Variants in ACACA observed in about 807,000 individuals in gnomAD.
ACACA encodes acetyl-CoA carboxylase 1.
A neutral mutation model predicts 296.1 loss-of-function variants in ACACA; 103 were observed. That is an observed-to-expected ratio of 0.35 (90% confidence interval 0.30 to 0.41). The LOEUF is 0.41. Among genes scored for constraint, ACACA ranks in the 10% least tolerant of loss-of-function variants. The pLI is 1.00. For synonymous variants in ACACA, 953 were observed against 1,038.6 expected (o/e 0.92, Z 1.58); for missense variants, 1,554 against 2,989.7 (o/e 0.52, Z 11.20).
intron 1 of ACACA, among the ~76,000 whole-genome samples, chr17:37,375,166 C>T (rs1196850625): frequency 1.3e-5 from 2 of 151,392 alleles, no homozygotes; most frequent in East Asian, 2.0e-4. Context: ...TGCACTCCAG[C>T]CTGGGCAACA....
chr17:37,256,832 A>T (rs2081249478), intron 14 of ACACA, among the ~76,000 whole-genome samples: 1 of 152,220 alleles, frequency 6.6e-6, no homozygotes, highest in African/African-American at 2.4e-5. Context: ...ACTAATAAAC[A>T]AATGCTATTT....
intron 1 of ACACA, among the ~76,000 whole-genome samples, chr17:37,363,033 CTT>C (rs546785530): frequency 6.4e-5 from 9 of 139,974 alleles, no homozygotes; most frequent in Admixed American, 1.4e-4. Flanking sequence ...ATTCCCAGCC[CTT>C]TTTTTTTTTT....
At chr17:37,160,220 A>G (rs2076406246) in intron 42 of ACACA, among the ~76,000 whole-genome samples, 1 of 152,210 alleles carries the variant, frequency 6.6e-6, no homozygotes, top group Non-Finnish European at 1.5e-5. Flanking sequence ...GTACAGAGGG[A>G]AAAAGTGCTG....
intron 1 of ACACA, among the ~76,000 whole-genome samples, chr17:37,381,443 C>G (rs2050253983): frequency 6.6e-6 from 1 of 151,894 alleles, no homozygotes; most frequent in Non-Finnish European, 1.5e-5. Context: ...ACCTCAGCCT[C>G]CCAAAGTGCT....
chr17:37,257,987 TAA>T, intron 13 of ACACA, 121 bp from the exon 14 acceptor site: 2 of 1,363,172 alleles, frequency 1.5e-6, no homozygotes, highest in Non-Finnish European at 1.0e-6. Flanking sequence ...ACAAAAATGA[TAA>T]AGGCCAAGAC....
chr17:37,225,142 G>A (rs747014539), intron 26 of ACACA, 37 bp from the exon 27 acceptor site: 32 of 1,257,346 alleles, frequency 2.5e-5, no homozygotes, highest in Middle Eastern at 1.8e-4. Flanking sequence ...CACATTCCTC[G>A]GAGTGATTAT....
chr17:37,314,035 T>G (rs1334733162), intron 3 of ACACA, among the ~76,000 whole-genome samples: 1 of 151,128 alleles, frequency 6.6e-6, no homozygotes, highest in African/African-American at 2.4e-5. Flanking sequence ...CACAATGGAG[T>G]ACTATTGAGC....
intron 42 of ACACA, among the ~76,000 whole-genome samples, chr17:37,161,185 A>T (rs2076445377): frequency 1.3e-5 from 2 of 152,258 alleles, no homozygotes; most frequent in South Asian, 4.1e-4. Context: ...CACAAGGAGC[A>T]GTATGGGTAT....
At chr17:37,385,289 T>C (rs1332452796) in intron 1 of ACACA, among the ~76,000 whole-genome samples, 1 of 152,100 alleles carries the variant, frequency 6.6e-6, no homozygotes, top group Non-Finnish European at 1.5e-5. Flanking sequence ...CTGGCCAGCA[T>C]GGTGAAACCC....
intron 41 of ACACA, among the ~76,000 whole-genome samples, chr17:37,169,746 A>G (rs1036577449): frequency 1.3e-5 from 2 of 152,224 alleles, no homozygotes; most frequent in African/African-American, 4.8e-5. Flanking sequence ...AAGAATAATG[A>G]CTAACGGAGA....
intron 1 of ACACA, among the ~76,000 whole-genome samples, chr17:37,372,443 G>A (rs1434750952): frequency 6.6e-6 from 1 of 151,272 alleles, no homozygotes; most frequent in Non-Finnish European, 1.5e-5. Flanking sequence ...GTAGCATAGT[G>A]TGCAGGTACA....
intron 3 of ACACA, among the ~76,000 whole-genome samples, chr17:37,320,160 T>G (rs982430818): frequency 2.0e-5 from 3 of 151,868 alleles, no homozygotes; most frequent in Non-Finnish European, 4.4e-5. Flanking sequence ...AAATATATAT[T>G]TTCTAACTTC....
At chr17:37,196,824 CT>C (rs536377828) in intron 35 of ACACA, among the ~76,000 whole-genome samples, 51 of 151,806 alleles carry the variant, frequency 3.4e-4, no homozygotes, top group Admixed American at 7.2e-4. Context: ...GATCTTTTTT[CT>C]TTTTTTTAAC....
chr17:37,238,811 G>A (rs1215479394), intron 24 of ACACA, among the ~76,000 whole-genome samples: 1 of 151,926 alleles, frequency 6.6e-6, no homozygotes, highest in African/African-American at 2.4e-5. Context: ...CATGTTTTGG[G>A]TTGCTATTTT....
intron 49 of ACACA, among the ~76,000 whole-genome samples, chr17:37,122,019 C>A (rs2074550012): frequency 1.3e-5 from 2 of 152,168 alleles, no homozygotes; most frequent in Admixed American, 6.5e-5. Flanking sequence ...AGTGGCTCAT[C>A]CCAACACTTT....
At chr17:37,277,640 C>G (rs956004179) in intron 6 of ACACA, among the ~76,000 whole-genome samples, 1 of 152,174 alleles carries the variant, frequency 6.6e-6, no homozygotes, top group African/African-American at 2.4e-5. Context: ...TTTACTGGCT[C>G]AAAGGTGAGA....
intron 1 of ACACA, among the ~76,000 whole-genome samples, chr17:37,353,702 T>C (rs1222773589): frequency 4.8e-5 from 7 of 147,104 alleles, no homozygotes; most frequent in Admixed American, 4.7e-4. Context: ...AGTATTATAC[T>C]CTATTTCTAT....
chr17:37,281,889 C>G (rs1202899904), intron 5 of ACACA, among the ~76,000 whole-genome samples: 2 of 152,076 alleles, frequency 1.3e-5, no homozygotes, highest in Admixed American at 1.3e-4. Flanking sequence ...AAAAACCACG[C>G]AAGTTAATCT....
intron 2 of ACACA, among the ~76,000 whole-genome samples, chr17:37,332,803 G>A (rs534799840): frequency 5.9e-5 from 9 of 151,718 alleles, no homozygotes; most frequent in South Asian, 2.1e-4. Flanking sequence ...CCAGCTACTC[G>A]GGAGGCTGAG....
Sources: allele counts gnomAD v4.1 joint callset (sites outside exome capture counted in the v4.1 genomes callset), GRCh38; gene constraint gnomAD v4.1.1; transcripts MANE v1.5; gene names NCBI Gene and HGNC (gene_info 2026-07-23, HGNC 2026-07-21).